Variants in SPOCK3 observed in about 807,000 individuals in gnomAD.
The protein encoded by SPOCK3 is testican-3.
A neutral mutation model predicts 56.6 loss-of-function variants in SPOCK3; 30 were observed. The ratio of observed to expected loss-of-function variants is 0.53; its 90% confidence interval spans 0.40 to 0.72. The LOEUF is 0.72. SPOCK3 is among the 30% of genes least tolerant of loss of function. SPOCK3 has a pLI of 0.00. For synonymous variants in SPOCK3, 196 were observed against 183.3 expected, an observed-to-expected ratio of 1.07 and a Z score of -0.56; for missense variants, 527 against 530.0, an observed-to-expected ratio of 0.99 and a Z score of 0.06.
At chr4:166,841,004 T>C (rs922570354) in intron 6 of SPOCK3, among the ~76,000 whole-genome samples, 3 of 151,758 alleles carry the variant, frequency 2.0e-5, no homozygotes, top group Non-Finnish European at 4.4e-5. Context: ...AGTCTCGATC[T>C]CCTGACCTCA....
chr4:167,031,646 G>A (rs1202129443), intron 3 of SPOCK3, among the ~76,000 whole-genome samples: 1 of 151,936 alleles, frequency 6.6e-6, no homozygotes, highest in Non-Finnish European at 1.5e-5. Context: ...CTAGAGACAA[G>A]ACCGGGCATG....
At chr4:167,050,016 A>G (rs748769913) in intron 3 of SPOCK3, among the ~76,000 whole-genome samples, 28 of 152,206 alleles carry the variant, frequency 1.8e-4, no homozygotes, top group Non-Finnish European at 7.3e-5. Flanking sequence ...CTAGCTTTGT[A>G]TCTACTTTTT....
At chr4:166,765,681 G>A (rs1402919061) in intron 7 of SPOCK3, among the ~76,000 whole-genome samples, 1 of 152,102 alleles carries the variant, frequency 6.6e-6, no homozygotes, top group Non-Finnish European at 1.5e-5. Flanking sequence ...CTCTTTTTTG[G>A]TTCCGTATGA....
At chr4:167,128,409 T>C (rs1216677513) in intron 2 of SPOCK3, among the ~76,000 whole-genome samples, 14 of 152,166 alleles carry the variant, frequency 9.2e-5, no homozygotes. Flanking sequence ...GAATTTTGGG[T>C]ACACCACCAT....
intron 2 of SPOCK3, among the ~76,000 whole-genome samples, chr4:167,205,664 G>C (rs1017679391): frequency 7.7e-6 from 1 of 129,394 alleles, no homozygotes; most frequent in Non-Finnish European, 1.6e-5. Context: ...CCAGGCTGGA[G>C]TGCAATGGCA....
chr4:166,814,931 C>T (rs1377010601), intron 6 of SPOCK3, among the ~76,000 whole-genome samples: 1 of 151,986 alleles, frequency 6.6e-6, no homozygotes, highest in Non-Finnish European at 1.5e-5. Context: ...CCCAGAGCCC[C>T]CTCAGTTATT....
At chr4:167,221,366 T>C (rs1735898979) in intron 2 of SPOCK3, among the ~76,000 whole-genome samples, 1 of 152,166 alleles carries the variant, frequency 6.6e-6, no homozygotes, top group South Asian at 2.1e-4. Context: ...AATTGCTGTC[T>C]CTTAAAAAAT....
At chr4:167,123,852 T>A (rs1278386222) in intron 2 of SPOCK3, among the ~76,000 whole-genome samples, 1 of 151,246 alleles carries the variant, frequency 6.6e-6, no homozygotes, top group African/African-American at 2.4e-5. Flanking sequence ...TTCAAGAAAT[T>A]CTCCTGCCTC....
chr4:167,073,685 G>C (rs528937092), intron 2 of SPOCK3, among the ~76,000 whole-genome samples: 1 of 151,710 alleles, frequency 6.6e-6, no homozygotes, highest in Non-Finnish European at 1.5e-5. Context: ...ACTGAGTTTT[G>C]ATTTTTGTTT....
intron 5 of SPOCK3, among the ~76,000 whole-genome samples, chr4:166,899,038 C>T (rs1000452914): frequency 6.6e-6 from 1 of 151,984 alleles, no homozygotes; most frequent in African/African-American, 2.4e-5. Flanking sequence ...CATCTATCTT[C>T]TGCCCTCTGA....
chr4:167,107,496 C>A (rs542377640), intron 2 of SPOCK3, among the ~76,000 whole-genome samples: 1 of 151,898 alleles, frequency 6.6e-6, no homozygotes, highest in Admixed American at 6.6e-5. Flanking sequence ...AGAAAAATAC[C>A]TCAACATAAT....
At chr4:166,870,461 A>T (rs951503687) in intron 6 of SPOCK3, among the ~76,000 whole-genome samples, 3 of 152,170 alleles carry the variant, frequency 2.0e-5, no homozygotes, top group African/African-American at 7.2e-5. Context: ...TCTGGGCCAT[A>T]AAACACACAA....
chr4:166,963,101 A>G (rs1463285178), intron 4 of SPOCK3, among the ~76,000 whole-genome samples: 1 of 152,038 alleles, frequency 6.6e-6, no homozygotes, highest in Non-Finnish European at 1.5e-5. Flanking sequence ...AACCTGCATC[A>G]TCAAATCTTA....
intron 4 of SPOCK3, among the ~76,000 whole-genome samples, chr4:166,971,445 G>A (rs2703838): frequency 0.35 from 52,944 of 151,106 alleles, 11,045 homozygotes; most frequent in African/African-American, 0.59. Flanking sequence ...TTACATTCAT[G>A]TCTGTGGCTT....
chr4:166,801,275 A>G (rs934413275), intron 6 of SPOCK3, among the ~76,000 whole-genome samples: 2 of 152,176 alleles, frequency 1.3e-5, no homozygotes, highest in Non-Finnish European at 2.9e-5. Flanking sequence ...TGTCCAAATC[A>G]TAGGTATTCG....
chr4:166,878,498 T>G (rs1178587468), intron 6 of SPOCK3, among the ~76,000 whole-genome samples: 2 of 151,264 alleles, frequency 1.3e-5, no homozygotes, highest in African/African-American at 4.9e-5. Context: ...GTATATTTTA[T>G]ATGTATATTT....
chr4:167,092,149 G>A (rs1758760425), intron 2 of SPOCK3, among the ~76,000 whole-genome samples: 1 of 152,104 alleles, frequency 6.6e-6, no homozygotes, highest in Non-Finnish European at 1.5e-5. Context: ...AGGGCAAGCT[G>A]AAGTAGGGTG....
intron 2 of SPOCK3, among the ~76,000 whole-genome samples, chr4:167,100,244 G>A (rs766755605): frequency 5.3e-5 from 8 of 151,998 alleles, no homozygotes; most frequent in Non-Finnish European, 8.8e-5. Context: ...ATTGTTAGAC[G>A]TCCTCTCTTT....
intron 4 of SPOCK3, among the ~76,000 whole-genome samples, chr4:166,935,870 TAAC>T (rs773250767): frequency 3.7e-4 from 56 of 152,120 alleles, no homozygotes; most frequent in Non-Finnish European, 4.9e-4. Context: ...AAGATAGAGA[TAAC>T]AACATTTGCC....
Sources: gnomAD v4.1 joint callset for allele counts (sites outside exome capture counted in the v4.1 genomes callset) on GRCh38, gnomAD v4.1.1 for gene constraint, MANE v1.5 for transcripts, NCBI Gene and HGNC (gene_info 2026-07-23, HGNC 2026-07-21) for gene names.